Variants in OR5H1 observed in about 807,000 individuals in gnomAD.
The protein encoded by OR5H1 is olfactory receptor 5H1.
For missense variants in OR5H1, 378 were observed against 366.8 expected (o/e 1.03, Z -0.25); for synonymous variants, 124 against 134.4 (o/e 0.92, Z 0.54).
rs1708245277 is a variant in OR5H1, at chr3:98,130,723, C to G, written c.-146C>G. 6.6e-6 allele frequency: 1 copy of G among 152,098 alleles called. No homozygotes were observed. Among genetic ancestry groups the G allele is most frequent in the Non-Finnish European group, 1.5e-5 (1 of 68,014 alleles). The allele number at this position is 152,098 out of a possible 1,614,324, so 9.4% of individuals were successfully genotyped here. A position where few individuals can be genotyped will look rare whatever the true frequency, so the allele number is the denominator to read the frequency against. On this transcript the variant is annotated 5_prime_UTR_variant, in exon 1 of 2. Transcript: ENST00000641874. ...ATTTTTCTATGCTTGGAAAAAGAAA[C>G]CTTCAAAAAGAATGAATATGCCATG...
Position 98,133,124 on chromosome 3 carries a change from C to G in OR5H1, c.427C>G (p.Arg143Gly). 6.3e-7 allele frequency: 1 copy of G among 1,581,506 alleles called. No homozygotes were observed. The highest frequency in any genetic ancestry group is 8.7e-7 in the Non-Finnish European group (1 of 1,152,660). ...PAIMTNGLCI[R>G]LLILSYVGGI... ...CATTATGACCAATGGACTGTGCATC[C>G]GGCTATTAATCTTGTCATATGTAGG... is the stretch of plus-strand genomic sequence containing the variant. Residue 143 changes from arginine to glycine, a missense_variant, in exon 2 of 2, where the codon CGG becomes GGG. By Grantham distance (125) the Arg-to-Gly change is moderately radical. Transcript: ENST00000641874.
chr3:98,133,659 A>G lies in OR5H1; in HGVS notation c.*20A>G, dbSNP rs1328377683. 6.4e-7 allele frequency: 1 copy of G among 1,561,754 alleles called. No homozygotes were observed. The highest frequency in any genetic ancestry group is 1.8e-5 in the Admixed American group (1 of 55,032). Reference sequence around the variant, plus strand: ...TACTAATATCCTTTCTCTAATTACAAAAATAGTCACAAAATTATGCAAGTT... The same window carrying G: ...TACTAATATCCTTTCTCTAATTACAGAAATAGTCACAAAATTATGCAAGTT... On this transcript the variant is annotated 3_prime_UTR_variant, in exon 2 of 2. Coordinates refer to ENST00000641874, the MANE Select transcript of OR5H1 (RefSeq NM_001005338.2).
At position 98,135,054 on chromosome 3, in the gene OR5H1, T is replaced by C. The variant is rs892943659; in HGVS notation, c.*1415T>C. On this transcript the variant is annotated 3_prime_UTR_variant, in exon 2 of 2. Coordinates refer to ENST00000641874, the MANE Select transcript of OR5H1 (RefSeq NM_001005338.2). ...GATACAAGATATATATTAGTACTTATATAGTTAAAATACAAATGTAGCAGC... is the reference window on the plus strand; with the variant it reads ...GATACAAGATATATATTAGTACTTACATAGTTAAAATACAAATGTAGCAGC... 4 of 152,176 alleles carry C rather than the reference T, an allele frequency of 2.6e-5. No individual in the cohort carries two copies. In the East Asian group the frequency reaches 5.8e-4, roughly 22 times the overall value. The allele number at this position is 152,176 out of a possible 1,614,324, so 9.4% of individuals were successfully genotyped here.
chr3:98,132,928 G>T lies in OR5H1; in HGVS notation c.231G>T (p.Val77=). The T allele has an allele frequency of 6.2e-7, 1 of 1,613,534 alleles. No individual in the cohort carries two copies. The highest frequency in any genetic ancestry group is 8.5e-7 in the Non-Finnish European group (1 of 1,179,602). The change falls in exon 2 of 2, where the codon GTG becomes GTT. Residue 77 remains valine, a synonymous_variant. Coordinates refer to ENST00000641874, the MANE Select transcript of OR5H1 (RefSeq NM_001005338.2). ...TGGATGCTTGGATATCATCCACAGT[G>T]ACCCCAAAGATGCTGAATAACTTCT... ...AFVDAWISST[V]TPKMLNNFLA... is the part of the protein sequence containing the mutation.
Position 98,132,704 on chromosome 3 carries a change from G to A in OR5H1, c.7G>A (p.Glu3Lys), listed in dbSNP as rs752991451. The A allele has an allele frequency of 6.2e-7, 1 of 1,612,632 alleles. No homozygotes were observed. Among genetic ancestry groups the A allele is most frequent in the Admixed American group, 1.7e-5 (1 of 59,878 alleles). Residue 3 changes from glutamate to lysine, a missense_variant, in exon 2 of 2, where the codon GAG becomes AAG. By Grantham distance (56) the Glu-to-Lys change is moderately conservative. Transcript: ENST00000641874. MEEENATLLTEFV... is the reference protein window; with the variant it reads MEKENATLLTEFV... ...GAGGGCATGCTGTGAGGACATGGAA[G>A]AGGAAAATGCAACATTGCTGACAGA... is the stretch of plus-strand genomic sequence containing the variant.
Position 98,133,173 on chromosome 3 carries a change from A to G in OR5H1, c.476A>G (p.His159Arg). 1.9e-6 allele frequency: 3 copies of G among 1,613,044 alleles called. No individual in the cohort carries two copies. Among genetic ancestry groups the G allele is most frequent in the African/African-American group, 1.3e-5 (1 of 74,948 alleles). ...YVGGILHALI[H>R]EGFLFRLTFC... The stretch of plus-strand genomic sequence containing the variant: ...GGTGGTATTCTTCATGCTTTAATCC[A>G]TGAAGGATTTTTATTCAGACTAACC... The change falls in exon 2 of 2, where the codon CAT (histidine) becomes CGT (arginine). Residue 159 changes from histidine (H) to arginine (R), a missense_variant. By Grantham distance (29) the His-to-Arg change is conservative. Transcript: ENST00000641874.
At position 98,136,300 on chromosome 3, in the gene OR5H1, G is replaced by T. The variant is rs981139608; in HGVS notation, c.*2661G>T. ...ATAGGAATTGATCATCTCTTTTTAA[G>T]AAGGCCTCATTACGACCTTTACTAA... On this transcript the variant is annotated 3_prime_UTR_variant, in exon 2 of 2. Coordinates refer to ENST00000641874, the MANE Select transcript of OR5H1 (RefSeq NM_001005338.2). The T allele has an allele frequency of 1.3e-5, 2 of 152,106 alleles. No homozygotes were observed. The highest frequency in any genetic ancestry group is 2.9e-5 in the Non-Finnish European group (2 of 68,026). The allele number at this position is 152,106 out of a possible 1,614,324, so 9.4% of individuals were successfully genotyped here.
Position 98,132,703 on chromosome 3 carries a change from A to G in OR5H1, c.6A>G (p.Glu2=). 6.2e-7 allele frequency: 1 copy of G among 1,612,638 alleles called. No individual in the cohort carries two copies. Among genetic ancestry groups the G allele is most frequent in the Non-Finnish European group, 8.5e-7 (1 of 1,179,106 alleles). Residue 2 remains glutamate (E), a synonymous_variant, in exon 2 of 2, where the codon GAA becomes GAG. Coordinates refer to ENST00000641874, the MANE Select transcript of OR5H1 (RefSeq NM_001005338.2). Reference sequence around the variant, plus strand: ...AGAGGGCATGCTGTGAGGACATGGAAGAGGAAAATGCAACATTGCTGACAG... The same window carrying G: ...AGAGGGCATGCTGTGAGGACATGGAGGAGGAAAATGCAACATTGCTGACAG... M[E]EENATLLTEF...
Position 98,132,894 on chromosome 3 carries a change from T to C in OR5H1, c.197T>C (p.Leu66Ser). The C allele has an allele frequency of 6.2e-7, 1 of 1,613,540 alleles. No homozygotes were observed. The highest frequency in any genetic ancestry group is 8.5e-7 in the Non-Finnish European group (1 of 1,179,598). Residue 66 changes from leucine (L) to serine (S), a missense_variant, in exon 2 of 2, where the codon TTA (leucine) becomes TCA (serine). Leu to Ser is a moderately radical substitution (Grantham distance 145). Coordinates refer to ENST00000641874, the MANE Select transcript of OR5H1 (RefSeq NM_001005338.2). The part of the protein sequence containing the change: ...HIPMYLLLGN[L>S]AFVDAWISST... Reference sequence around the variant, plus strand: ...CCAATGTACTTACTCCTTGGGAATTTAGCTTTTGTGGATGCTTGGATATCA... The same window carrying C: ...CCAATGTACTTACTCCTTGGGAATTCAGCTTTTGTGGATGCTTGGATATCA...
At chr3:98,131,236 G>A (rs1708252436) in intron 1 of OR5H1, among the ~76,000 whole-genome samples, 1 of 151,914 alleles carries the variant, frequency 6.6e-6, no homozygotes, top group African/African-American at 2.4e-5. Flanking sequence ...CTTTTAAGGT[G>A]AGTCACTTAC....
chr3:98,133,321 A>G lies in OR5H1; in HGVS notation c.624A>G (p.Val208=). Residue 208 remains valine, a synonymous_variant, in exon 2 of 2, where the codon GTA becomes GTG. Coordinates refer to ENST00000641874, the MANE Select transcript of OR5H1 (RefSeq NM_001005338.2). Reference sequence around the variant, plus strand: ...TTATTTTCTCAGGTTCAATTCAGGTATTCAGCATTGTGACTATTCTTGTAT... The same window carrying G: ...TTATTTTCTCAGGTTCAATTCAGGTGTTCAGCATTGTGACTATTCTTGTAT... The part of the protein sequence containing the change: ...MVFIFSGSIQ[V]FSIVTILVSY... 3 of 1,612,354 alleles carry G rather than the reference A, an allele frequency of 1.9e-6. No individual in the cohort carries two copies. Among genetic ancestry groups the G allele is most frequent in the South Asian group, 2.2e-5 (2 of 91,034 alleles).
Position 98,134,754 on chromosome 3 carries a change from C to G in OR5H1, c.*1115C>G, listed in dbSNP as rs1199202687. On this transcript the variant is annotated 3_prime_UTR_variant, in exon 2 of 2. Transcript: ENST00000641874. ...AATACTGAAATTCCTTTCACATTCT[C>G]ACTGATACTATTGAGGTCCCTAGCA... The G allele has an allele frequency of 2.0e-5, 3 of 152,066 alleles. No homozygotes were observed. Among genetic ancestry groups the G allele is most frequent in the Non-Finnish European group, 4.4e-5 (3 of 67,986 alleles). 9.4% of individuals were successfully genotyped at this position (152,066 alleles called of 1,614,324 possible). A position where few individuals can be genotyped will look rare whatever the true frequency, so the allele number is the denominator to read the frequency against.
At position 98,136,373 on chromosome 3, in the gene OR5H1, C is replaced by T. The variant is rs1708318000; in HGVS notation, c.*2734C>T. ...AGTTTCTTCAAGCTATAAAGTCACA[C>T]CAACAACATACCATTAGTTTCACCT... On this transcript the variant is annotated 3_prime_UTR_variant, in exon 2 of 2. Transcript: ENST00000641874. 1 of 152,126 alleles carries T rather than the reference C, an allele frequency of 6.6e-6. No individual in the cohort carries two copies. The highest frequency in any genetic ancestry group is 1.5e-5 in the Non-Finnish European group (1 of 68,032). 9.4% of individuals were successfully genotyped at this position (152,126 alleles called of 1,614,324 possible).
chr3:98,133,601 A>C lies in OR5H1; in HGVS notation c.904A>C (p.Thr302Pro). Reference sequence around the variant, plus strand: ...AAATAAGCAAGTCACAGTTTCATTCACAAAAATGTTAAAAAAACATGTTAA... The same window carrying C: ...AAATAAGCAAGTCACAGTTTCATTCCCAAAAATGTTAAAAAAACATGTTAA... ...LRNKQVTVSF[T>P]KMLKKHVKVS... The change falls in exon 2 of 2, where the codon ACA becomes CCA. Residue 302 changes from threonine to proline, a missense_variant. Thr to Pro is a conservative substitution (Grantham distance 38). Transcript: ENST00000641874. 6.2e-7 allele frequency: 1 copy of C among 1,606,920 alleles called. No homozygotes were observed. Among genetic ancestry groups the C allele is most frequent in the African/African-American group, 1.3e-5 (1 of 74,550 alleles).
At position 98,133,782 on chromosome 3, in the gene OR5H1, C is replaced by T. The variant is rs779639370; in HGVS notation, c.*143C>T. On this transcript the variant is annotated 3_prime_UTR_variant, in exon 2 of 2. Coordinates refer to ENST00000641874, the MANE Select transcript of OR5H1 (RefSeq NM_001005338.2). ...ATGTTTTAGTACCTAATAAACTAAT[C>T]GCAATATGTCTATATGTTATTCAAA... 5.9e-5 allele frequency: 38 copies of T among 639,030 alleles called. No homozygotes were observed. Among genetic ancestry groups the T allele is most frequent in the Middle Eastern group, 3.7e-4 (1 of 2,730 alleles). The allele number at this position is 639,030 out of a possible 1,614,324, so 39.6% of individuals were successfully genotyped here. A position where few individuals can be genotyped will look rare whatever the true frequency, so the allele number is the denominator to read the frequency against.
rs984058046 is a variant in OR5H1, at chr3:98,137,733, C to A, written c.*4094C>A. 4 of 152,074 alleles carry A rather than the reference C, an allele frequency of 2.6e-5. No individual in the cohort carries two copies. Among genetic ancestry groups the A allele is most frequent in the Non-Finnish European group, 5.9e-5 (4 of 68,010 alleles). The allele number at this position is 152,074 out of a possible 1,614,324, so 9.4% of individuals were successfully genotyped here. On this transcript the variant is annotated 3_prime_UTR_variant, in exon 2 of 2. Coordinates refer to ENST00000641874, the MANE Select transcript of OR5H1 (RefSeq NM_001005338.2). Reference sequence around the variant, plus strand: ...GTTGTTTGGAAATAATCCAGATATTCAATGACTATTGATAATTTAATCAAC... The same window carrying A: ...GTTGTTTGGAAATAATCCAGATATTAAATGACTATTGATAATTTAATCAAC...
At position 98,133,287 on chromosome 3, in the gene OR5H1, T is replaced by C. The variant is rs371242000; in HGVS notation, c.590T>C (p.Leu197Pro). 1.9e-5 allele frequency: 31 copies of C among 1,610,606 alleles called. No individual in the cohort carries two copies. Among genetic ancestry groups the C allele is most frequent in the Non-Finnish European group, 2.6e-5 (31 of 1,178,458 alleles). ...TGTACTGATTCTTCTATTAATTTTCTAATGGTTTTTATTTTCTCAGGTTCA... is the reference window on the plus strand; with the variant it reads ...TGTACTGATTCTTCTATTAATTTTCCAATGGTTTTTATTTTCTCAGGTTCA... ...ISCTDSSINF[L>P]MVFIFSGSIQ... is the part of the protein sequence containing the mutation. Residue 197 changes from leucine to proline, a missense_variant, in exon 2 of 2, where the codon CTA (leucine) becomes CCA (proline). By Grantham distance (98) the Leu-to-Pro change is moderately conservative. Transcript: ENST00000641874.
chr3:98,134,906 T>G lies in OR5H1; in HGVS notation c.*1267T>G, dbSNP rs972877154. 4 of 152,230 alleles carry G rather than the reference T, an allele frequency of 2.6e-5. No individual in the cohort carries two copies. The highest frequency in any genetic ancestry group is 9.6e-5 in the African/African-American group (4 of 41,552). 9.4% of individuals were successfully genotyped at this position (152,230 alleles called of 1,614,324 possible). Reference sequence around the variant, plus strand: ...TCAAATGGAACTCTAACTAATTATATCCCTCTTCAATTCCTTTTGTTAGAT... The same window carrying G: ...TCAAATGGAACTCTAACTAATTATAGCCCTCTTCAATTCCTTTTGTTAGAT... On this transcript the variant is annotated 3_prime_UTR_variant, in exon 2 of 2. Transcript: ENST00000641874.
chr3:98,132,907 T>G lies in OR5H1; in HGVS notation c.210T>G (p.Asp70Glu), dbSNP rs113841133. ...TCCTTGGGAATTTAGCTTTTGTGGA[T>G]GCTTGGATATCATCCACAGTGACCC... ...YLLLGNLAFV[D>E]AWISSTVTPK... is the part of the protein sequence containing the mutation. The change falls in exon 2 of 2, where the codon GAT becomes GAG. Residue 70 changes from aspartate to glutamate, a missense_variant. Transcript: ENST00000641874. 3.9e-3 allele frequency: 6,305 copies of G among 1,613,496 alleles called. 138 individuals are homozygous for G. The African/African-American group carries it at 0.056, about 14-fold the overall frequency.
Sources: gnomAD v4.1 joint callset for allele counts (sites outside exome capture counted in the v4.1 genomes callset) on GRCh38, gnomAD v4.1.1 for gene constraint, MANE v1.5 for transcripts, NCBI Gene and HGNC (gene_info 2026-07-23, HGNC 2026-07-21) for gene names.